Variants in DGKB observed in about 807,000 individuals in gnomAD.
DGKB encodes 90 kDa diacylglycerol kinase.
DGKB carries 67 observed loss-of-function variants against 114.3 expected under a neutral mutation model. That is an observed-to-expected ratio of 0.59 (90% CI 0.48 to 0.72). The LOEUF is 0.72. Among genes scored for constraint, DGKB ranks in the 30% least tolerant of loss-of-function variants. The pLI is 0.00. For synonymous variants in DGKB, 398 were observed against 323.1 expected (o/e 1.23, Z -2.49); for missense variants, 907 against 975.2 (o/e 0.93, Z 0.93).
chr7:14,602,330 A>T (rs1231167229), intron 17 of DGKB, among the ~76,000 whole-genome samples: 1 of 152,180 alleles, frequency 6.6e-6, no homozygotes, highest in Non-Finnish European at 1.5e-5. Context: ...AGACTTTGAG[A>T]CTATTGGGAT....
chr7:14,411,682 C>G (rs1284148995), intron 21 of DGKB, among the ~76,000 whole-genome samples: 1 of 10,768 alleles, frequency 9.3e-5, no homozygotes. Context: ...ATACACACAT[C>G]TTAACACATT....
chr7:14,820,026 T>G (rs1046350390), intron 2 of DGKB, among the ~76,000 whole-genome samples: 8 of 152,126 alleles, frequency 5.3e-5, no homozygotes, highest in African/African-American at 1.9e-4. Flanking sequence ...GATTTTTGAA[T>G]AAAAGAGAAG....
intron 20 of DGKB, among the ~76,000 whole-genome samples, chr7:14,550,917 C>A (rs887420487): frequency 9.2e-5 from 14 of 152,158 alleles, no homozygotes; most frequent in Non-Finnish European, 5.9e-5. Flanking sequence ...CAATTATATT[C>A]ATCTCACGAC....
chr7:14,526,508 A>G (rs1790668195), intron 20 of DGKB, among the ~76,000 whole-genome samples: 1 of 152,170 alleles, frequency 6.6e-6, no homozygotes, highest in Non-Finnish European at 1.5e-5. Context: ...GGGAAGAGTC[A>G]ACAAATAAAA....
intron 4 of DGKB, among the ~76,000 whole-genome samples, chr7:14,742,543 C>T (rs536855561): frequency 6.2e-4 from 95 of 152,214 alleles, no homozygotes; most frequent in African/African-American, 1.9e-3. Flanking sequence ...ATACTAGGTT[C>T]GCTAAATGTT....
At position 14,613,417 on chromosome 7, in the gene DGKB, T is replaced by A. The variant is rs1356911497; in HGVS notation, c.1285-4A>T. 7 of 1,529,350 alleles carry A rather than the reference T, an allele frequency of 4.6e-6. No homozygotes were observed. Among genetic ancestry groups the A allele is most frequent in the Non-Finnish European group, 8.9e-7 (1 of 1,124,856 alleles). 94.7% of individuals were successfully genotyped at this position (1,529,350 alleles called of 1,614,324 possible). A position where few individuals can be genotyped will look rare whatever the true frequency, so the allele number is the denominator to read the frequency against. On this transcript the variant is annotated splice_region_variant and splice_polypyrimidine_tract_variant and intron_variant, in intron 15 of 25. Transcript: ENST00000402815. ...GAGTACCAGGCACAGGAGTGACCTA[T>A]AAGAAAAGTTATATACATGGAAAAA...
intron 21 of DGKB, among the ~76,000 whole-genome samples, chr7:14,386,945 A>T (rs980906006): frequency 7.2e-5 from 11 of 152,018 alleles, no homozygotes; most frequent in African/African-American, 2.2e-4. Flanking sequence ...TATTTTAATG[A>T]CTATTAAAAT....
At chr7:14,238,856 A>G (rs12699584) in intron 23 of DGKB, among the ~76,000 whole-genome samples, 103,183 of 151,804 alleles carry the variant, frequency 0.68, 36,265 homozygotes, top group African/African-American at 0.87. Flanking sequence ...GGATGTTAGC[A>G]TGCTTTATAT....
At chr7:14,844,339 C>T (rs796899107) in intron 1 of DGKB, among the ~76,000 whole-genome samples, 30 of 152,288 alleles carry the variant, frequency 2.0e-4, no homozygotes, top group African/African-American at 7.2e-4. Flanking sequence ...AGGAAGCCCA[C>T]ATAAACTAGA....
chr7:14,295,542 G>A (rs971438136), intron 23 of DGKB, among the ~76,000 whole-genome samples: 5 of 151,828 alleles, frequency 3.3e-5, no homozygotes, highest in African/African-American at 9.7e-5. Context: ...TGAGCTTGGA[G>A]CTATGGATCC....
At chr7:14,498,627 AT>A (rs892017743) in intron 20 of DGKB, among the ~76,000 whole-genome samples, 6 of 151,640 alleles carry the variant, frequency 4.0e-5, no homozygotes, top group Admixed American at 6.6e-5. Context: ...AATTTAGTTG[AT>A]TTTTTTGCCT....
chr7:14,719,432 C>T (rs952221816), intron 5 of DGKB, among the ~76,000 whole-genome samples: 6 of 129,578 alleles, frequency 4.6e-5, no homozygotes, highest in Non-Finnish European at 1.0e-4. Context: ...TTAGTTCTGT[C>T]TTACCCAGAA....
intron 2 of DGKB, among the ~76,000 whole-genome samples, chr7:14,804,324 G>A (rs542492349): frequency 2.0e-5 from 3 of 151,158 alleles, no homozygotes; most frequent in South Asian, 2.1e-4. Flanking sequence ...TTCTCTAGTC[G>A]GTTTTAAGAT....
Position 14,648,123 on chromosome 7 carries a change from G to A in DGKB, c.1135-17855C>T, listed in dbSNP as rs1283185838. 2.0e-5 allele frequency among the ~76,000 whole-genome samples: 3 copies of A among 152,216 alleles called. No individual in the cohort carries two copies. The East Asian group carries it at 5.8e-4, about 29-fold the overall frequency. On this transcript the variant is annotated intron_variant, in intron 13 of 25. Transcript: ENST00000402815. ...AGGTAAACAAAGCTGCCAGGAAGCT[G>A]GAACTGGGTGGAGCCCACCACAGCT...
chr7:14,203,166 A>G (rs1413690256), intron 23 of DGKB, among the ~76,000 whole-genome samples: 2 of 151,390 alleles, frequency 1.3e-5, no homozygotes, highest in Admixed American at 6.6e-5. Flanking sequence ...GTAGCCAAAA[A>G]AAAAAAAAAA....
At chr7:14,651,458 C>T (rs920738566) in intron 13 of DGKB, among the ~76,000 whole-genome samples, 6 of 146,618 alleles carry the variant, frequency 4.1e-5, no homozygotes, top group African/African-American at 1.5e-4. Context: ...ACCCTTCATG[C>T]TAAAAACTCT....
chr7:14,633,124 C>G (rs952152937), intron 13 of DGKB, among the ~76,000 whole-genome samples: 3 of 151,898 alleles, frequency 2.0e-5, no homozygotes, highest in African/African-American at 7.2e-5. Context: ...TGAAGTCTTC[C>G]TCTTTCTCAG....
intron 20 of DGKB, among the ~76,000 whole-genome samples, chr7:14,511,809 T>A (rs1357429611): frequency 6.6e-6 from 1 of 152,056 alleles, no homozygotes; most frequent in Non-Finnish European, 1.5e-5. Flanking sequence ...ATTAATAGCC[T>A]AATTTCAATA....
intron 20 of DGKB, among the ~76,000 whole-genome samples, chr7:14,508,255 T>C (rs1439193542): frequency 6.6e-6 from 1 of 152,228 alleles, no homozygotes; most frequent in Non-Finnish European, 1.5e-5. Flanking sequence ...CTATTAAATA[T>C]TCTTCCTTGA....
Sources: allele counts gnomAD v4.1 joint callset (sites outside exome capture counted in the v4.1 genomes callset), GRCh38; gene constraint gnomAD v4.1.1; transcripts MANE v1.5; gene names NCBI Gene and HGNC (gene_info 2026-07-23, HGNC 2026-07-21).